Variants in KLHDC10 observed in about 807,000 individuals in gnomAD.
KLHDC10 encodes kelch domain-containing protein 10.
In KLHDC10, 24 loss-of-function variants were observed where a neutral mutation model predicts 56.1. The observed-to-expected ratio is 0.43, with a 90% CI of 0.31 to 0.60. The LOEUF (loss-of-function observed/expected upper bound fraction) is 0.60, where lower values mean the gene tolerates loss of function less well. Among genes scored for constraint, KLHDC10 ranks in the 20% least tolerant of loss-of-function variants. The probability of loss-of-function intolerance (pLI) is 0.11; values close to 1 mark genes in which losing one functional copy is unlikely to be tolerated. For missense variants in KLHDC10, 349 were observed against 567.0 expected (o/e 0.62, Z 3.91); for synonymous variants, 188 against 207.1 (o/e 0.91, Z 0.79).
chr7:130,124,409 T>C (rs1351514782), intron 5 of KLHDC10, 42 bp from the exon 6 acceptor site: 11 of 1,201,816 alleles, frequency 9.2e-6, no homozygotes, highest in African/African-American at 1.5e-5. Context: ...AGATAGGTCA[T>C]TTTTCACTTA....
rs1380526695 is a variant in KLHDC10, at chr7:130,135,416, G to A, written c.*4670G>A. ...CTTTCTGAGACACAGTCTCTGAGAG[G>A]TGAGCCTAGCTTTGCTCTTCCTACA... On this transcript the variant is annotated 3_prime_UTR_variant, in exon 10 of 10. Transcript: ENST00000335420. 2 of 154,334 alleles carry A rather than the reference G, an allele frequency of 1.3e-5. No homozygotes were observed. The highest frequency in any genetic ancestry group is 6.5e-5 in the Admixed American group (1 of 15,292). 9.6% of individuals were successfully genotyped at this position (154,334 alleles called of 1,614,324 possible). A position where few individuals can be genotyped will look rare whatever the true frequency, so the allele number is the denominator to read the frequency against.
At chr7:130,129,837 T>A (rs1304086147) in intron 9 of KLHDC10, among the ~76,000 whole-genome samples, 2 of 152,170 alleles carry the variant, frequency 1.3e-5, no homozygotes, top group Non-Finnish European at 2.9e-5. Flanking sequence ...CAAAGGTGTT[T>A]CCTGGGAGGG....
At chr7:130,083,193 T>C (rs1795632958) in intron 1 of KLHDC10, among the ~76,000 whole-genome samples, 2 of 152,212 alleles carry the variant, frequency 1.3e-5, no homozygotes, top group Admixed American at 1.3e-4. Flanking sequence ...CATCCTGTGC[T>C]CCTTATCCTG....
rs1484768361 is a variant in KLHDC10 at position 130,077,362 on chromosome 7, A to AC, written c.166+6553_166+6554insC. Among the ~76,000 whole-genome samples, 47 of 147,432 alleles carry AC rather than the reference A, an allele frequency of 3.2e-4. No individual in the cohort carries two copies. In the East Asian group the frequency reaches 7.9e-3, roughly 25 times the overall value. ...GAACAAGACTCTGTCTCAAAAAAAA[A>AC]AAAAAAAAAAAAAAAAAAAACAGTA... On this transcript the variant is annotated intron_variant, in intron 1 of 9. Coordinates refer to ENST00000335420, the MANE Select transcript of KLHDC10 (RefSeq NM_014997.4).
chr7:130,117,870 A>AAAAAG (rs869079140), intron 3 of KLHDC10, among the ~76,000 whole-genome samples: 56 of 145,152 alleles, frequency 3.9e-4, no homozygotes, highest in African/African-American at 1.4e-3. Context: ...AAAAAAAAAA[A>AAAAAG]AAAAGAAAAA....
chr7:130,083,501 G>T (rs1291699221), intron 1 of KLHDC10, among the ~76,000 whole-genome samples: 1 of 152,176 alleles, frequency 6.6e-6, no homozygotes, highest in Admixed American at 6.5e-5. Context: ...GGAATTTCCT[G>T]TGCTACACTG....
chr7:130,119,795 G>A (rs1229714557), intron 3 of KLHDC10, among the ~76,000 whole-genome samples: 4 of 133,556 alleles, frequency 3.0e-5, no homozygotes, highest in Admixed American at 1.7e-4. Flanking sequence ...AGTGAGCTGA[G>A]ATCACACCAC....
intron 2 of KLHDC10, among the ~76,000 whole-genome samples, chr7:130,102,041 T>C (rs1262054473): frequency 6.6e-6 from 1 of 150,746 alleles, no homozygotes; most frequent in Non-Finnish European, 1.5e-5. Flanking sequence ...AATGGACTTT[T>C]GTAGTAGATG....
At chr7:130,078,708 C>T (rs749035729) in intron 1 of KLHDC10, among the ~76,000 whole-genome samples, 11 of 152,080 alleles carry the variant, frequency 7.2e-5, no homozygotes, top group Admixed American at 2.0e-4. Context: ...TTAGTAGACA[C>T]GGGGTTTCAC....
intron 2 of KLHDC10, among the ~76,000 whole-genome samples, chr7:130,104,442 G>GGAAAAGTCAGGATCCTTACTGC (rs1795980656): frequency 6.6e-6 from 1 of 152,042 alleles, no homozygotes; most frequent in South Asian, 2.1e-4. Context: ...ATACATAGGG[G>GGAAAAGTCAGGATCCTTACTGC]GAAAAGTCAG....
At position 130,089,945 on chromosome 7, in the gene KLHDC10, G is replaced by A. The variant is rs138602866; in HGVS notation, c.167-6976G>A. Reference sequence around the variant, plus strand: ...TGCCCAGGCTGGAGTGCAATGGCGCGATCTTGGCTCACCGCAACCTCTGCC... The same window carrying A: ...TGCCCAGGCTGGAGTGCAATGGCGCAATCTTGGCTCACCGCAACCTCTGCC... On this transcript the variant is annotated intron_variant, in intron 1 of 9. Transcript: ENST00000335420. Among the ~76,000 whole-genome samples, 935 of 151,542 alleles carry A rather than the reference G, an allele frequency of 6.2e-3. 4 individuals carry two copies. Among genetic ancestry groups the A allele is most frequent in the Middle Eastern group, 0.024 (7 of 294 alleles).
intron 7 of KLHDC10, among the ~76,000 whole-genome samples, chr7:130,127,036 G>A (rs893505954): frequency 1.3e-5 from 2 of 151,910 alleles, no homozygotes; most frequent in African/African-American, 4.8e-5. Flanking sequence ...CCCAGGAGGC[G>A]GAGGCTGCAG....
intron 9 of KLHDC10, 119 bp downstream of exon 9, chr7:130,129,695 T>C (rs1248836266): frequency 1.1e-6 from 1 of 904,090 alleles, no homozygotes; most frequent in African/African-American, 1.7e-5. Context: ...AATAACATAT[T>C]TTTAAAACTT....
In KLHDC10 at chr7:130,131,703, C is replaced by A. The variant is rs1796403794; in HGVS notation, c.*957C>A. On this transcript the variant is annotated 3_prime_UTR_variant, in exon 10 of 10. Coordinates refer to ENST00000335420, the MANE Select transcript of KLHDC10 (RefSeq NM_014997.4). ...CCAGAGAAGAGCCAGGCAGAGAAAA[C>A]CTGCATCCTCTGGGCTTGTTAACTT... The A allele has an allele frequency of 6.6e-6, 1 of 152,172 alleles. No homozygotes were observed. The highest frequency in any genetic ancestry group is 2.1e-4 in the South Asian group (1 of 4,836). 9.4% of individuals were successfully genotyped at this position (152,172 alleles called of 1,614,324 possible). A position where few individuals can be genotyped will look rare whatever the true frequency, so the allele number is the denominator to read the frequency against.
chr7:130,106,178 T>TA (rs1372621788), intron 2 of KLHDC10, among the ~76,000 whole-genome samples: 1 of 152,172 alleles, frequency 6.6e-6, no homozygotes, highest in African/African-American at 2.4e-5. Flanking sequence ...TAATAATCTG[T>TA]ACATTTATAT....
At chr7:130,085,201 C>T (rs929972070) in intron 1 of KLHDC10, among the ~76,000 whole-genome samples, 2 of 151,292 alleles carry the variant, frequency 1.3e-5, no homozygotes, top group East Asian at 2.0e-4. Context: ...GGTGTGGTGG[C>T]GGGTGCCTGT....
intron 2 of KLHDC10, among the ~76,000 whole-genome samples, chr7:130,110,185 C>T (rs762813403): frequency 6.6e-6 from 1 of 152,162 alleles, no homozygotes; most frequent in Non-Finnish European, 1.5e-5. Context: ...ATATTGTGAT[C>T]ATCTCATTGC....
rs1181059512 is a variant in KLHDC10 at position 130,133,100 on chromosome 7, T to G, written c.*2354T>G. On this transcript the variant is annotated 3_prime_UTR_variant, in exon 10 of 10. Coordinates refer to ENST00000335420, the MANE Select transcript of KLHDC10 (RefSeq NM_014997.4). ...ATATCCTTGGTCTAAAGTGTCTTCT[T>G]TTAATATAACACTAGTAAAAATGAC... 1 of 152,242 alleles carries G rather than the reference T, an allele frequency of 6.6e-6. No homozygotes were observed. The highest frequency in any genetic ancestry group is 1.9e-4 in the East Asian group (1 of 5,204). 9.4% of individuals were successfully genotyped at this position (152,242 alleles called of 1,614,324 possible). A position where few individuals can be genotyped will look rare whatever the true frequency, so the allele number is the denominator to read the frequency against.
chr7:130,126,191 A>T (rs1256325897), intron 7 of KLHDC10, among the ~76,000 whole-genome samples: 2 of 152,056 alleles, frequency 1.3e-5, no homozygotes. Context: ...GGTGGTGTAC[A>T]CCTGTAGTCC....
Sources: gnomAD v4.1 joint callset for allele counts (sites outside exome capture counted in the v4.1 genomes callset) on GRCh38, gnomAD v4.1.1 for gene constraint, MANE v1.5 for transcripts, NCBI Gene and HGNC (gene_info 2026-07-23, HGNC 2026-07-21) for gene names.